The following PRKCE variants were observed in gnomAD, a reference collection of about 807,000 sequenced individuals.
PRKCE encodes the protein protein kinase C epsilon type.
PRKCE carries 16 observed loss-of-function variants against 85.4 expected under a neutral mutation model. That is an observed-to-expected ratio of 0.19 (90% CI 0.13 to 0.28). The LOEUF (loss-of-function observed/expected upper bound fraction) is 0.28, where lower values mean the gene tolerates loss of function less well. PRKCE is among the 10% of genes least tolerant of loss of function. PRKCE has a pLI of 1.00. For synonymous variants in PRKCE, 388 were observed against 371.5 expected (o/e 1.04, Z -0.51); for missense variants, 573 against 975.2 (o/e 0.59, Z 5.49).
At position 45,865,817 on chromosome 2, in the gene PRKCE, T is replaced by TCTTCTTC. The variant is rs60846064; in HGVS notation, c.412+22754_412+22755insCTTCTTC. On this transcript the variant is annotated intron_variant, in intron 2 of 14. Coordinates refer to ENST00000306156, the MANE Select transcript of PRKCE (RefSeq NM_005400.3). ...AAAATAAGTTTCTTCTTCTTCTTCT[T>TCTTCTTC]TTTTTTTTTTTTTTTTTTGAGACGA... Among the ~76,000 whole-genome samples the TCTTCTTC allele has an allele frequency of 4.6e-4, 47 of 101,350 alleles. 1 individual carries two copies. Among genetic ancestry groups the TCTTCTTC allele is most frequent in the South Asian group, 2.5e-3 (7 of 2,820 alleles). The allele number at this position is 101,350 out of a possible 152,430, so 66.5% of individuals were successfully genotyped here. A position where few individuals can be genotyped will look rare whatever the true frequency, so the allele number is the denominator to read the frequency against.
intron 2 of PRKCE, among the ~76,000 whole-genome samples, chr2:45,852,320 T>C (rs1332485176): frequency 6.6e-6 from 1 of 152,276 alleles, no homozygotes; most frequent in Non-Finnish European, 1.5e-5. Flanking sequence ...AGTGTGAATT[T>C]GTTTTAAACT....
chr2:45,714,693 C>T (rs954740306), intron 1 of PRKCE, among the ~76,000 whole-genome samples: 13 of 152,098 alleles, frequency 8.5e-5, no homozygotes, highest in African/African-American at 2.9e-4. Flanking sequence ...GAGTATAGAC[C>T]GTGTGCTGAG....
chr2:45,703,833 A>G (rs923321175), intron 1 of PRKCE, among the ~76,000 whole-genome samples: 1 of 152,260 alleles, frequency 6.6e-6, no homozygotes, highest in Non-Finnish European at 1.5e-5. Flanking sequence ...CTGTTCACTC[A>G]TAACAAAAAA....
At chr2:46,012,582 A>C (rs899294218) in intron 10 of PRKCE, among the ~76,000 whole-genome samples, 1 of 152,104 alleles carries the variant, frequency 6.6e-6, no homozygotes, top group African/African-American at 2.4e-5. Context: ...GTGGCTTTCC[A>C]GGCAGGGAGC....
intron 1 of PRKCE, among the ~76,000 whole-genome samples, chr2:45,664,232 T>A (rs1572884158): frequency 6.6e-6 from 1 of 152,330 alleles, no homozygotes; most frequent in East Asian, 1.9e-4. Context: ...TTGTCCAAGT[T>A]CACAGATCTA....
chr2:46,178,262 A>G (rs1049067430), intron 14 of PRKCE, among the ~76,000 whole-genome samples: 1 of 152,062 alleles, frequency 6.6e-6, no homozygotes, highest in Non-Finnish European at 1.5e-5. Flanking sequence ...CTCTGTCTCA[A>G]AAAAAAATAG....
intron 1 of PRKCE, among the ~76,000 whole-genome samples, chr2:45,810,541 C>T (rs775811108): frequency 1.3e-5 from 2 of 151,954 alleles, no homozygotes; most frequent in South Asian, 2.1e-4. Context: ...GCACAATGAA[C>T]GAATATTCCA....
chr2:46,087,881 C>G (rs895686348), intron 11 of PRKCE, among the ~76,000 whole-genome samples: 1 of 152,204 alleles, frequency 6.6e-6, no homozygotes, highest in African/African-American at 2.4e-5. Flanking sequence ...CTTGCTCCTT[C>G]AAGGCCAGCA....
intron 2 of PRKCE, among the ~76,000 whole-genome samples, chr2:45,937,614 C>G (rs1310126885): frequency 2.0e-5 from 3 of 151,990 alleles, no homozygotes; most frequent in African/African-American, 7.3e-5. Flanking sequence ...ACTCGGGAGG[C>G]TGAGGCAGGA....
intron 1 of PRKCE, among the ~76,000 whole-genome samples, chr2:45,731,775 C>T (rs1029455925): frequency 2.6e-5 from 4 of 151,960 alleles, no homozygotes; most frequent in African/African-American, 7.3e-5. Flanking sequence ...GGGTGTGTGC[C>T]ACCACACCTG....
At chr2:45,691,654 A>T (rs553011878) in intron 1 of PRKCE, among the ~76,000 whole-genome samples, 3 of 152,282 alleles carry the variant, frequency 2.0e-5, no homozygotes, top group African/African-American at 7.2e-5. Context: ...GTGAAGAGAG[A>T]CAGTTTTTAT....
At chr2:45,738,211 A>C (rs183449656) in intron 1 of PRKCE, among the ~76,000 whole-genome samples, 1 of 152,312 alleles carries the variant, frequency 6.6e-6, no homozygotes, top group East Asian at 1.9e-4. Context: ...ACATAGTTTT[A>C]ATGATGTTAT....
Position 46,068,959 on chromosome 2 carries a change from C to T in PRKCE, c.1438-17249C>T, listed in dbSNP as rs972629625. ...GGAGCCTCTTAGAAATGCAGGATTT[C>T]CGGTCCCAACTTAGACCTGCAGAAT... On this transcript the variant is annotated intron_variant, in intron 10 of 14. Transcript: ENST00000306156. This position sits in a 1 kb window ranked among gnomAD's most constrained non-coding sequence, Gnocchi z 4.3. Among the ~76,000 whole-genome samples, 1 of 152,194 alleles carries T rather than the reference C, an allele frequency of 6.6e-6. No individual in the cohort carries two copies. Among genetic ancestry groups the T allele is most frequent in the African/African-American group, 2.4e-5 (1 of 41,436 alleles).
intron 1 of PRKCE, among the ~76,000 whole-genome samples, chr2:45,709,616 C>A (rs1046533250): frequency 6.6e-6 from 1 of 152,222 alleles, no homozygotes; most frequent in South Asian, 2.1e-4. Flanking sequence ...CTTAGTGTGA[C>A]TGCTGCAGCA....
At chr2:46,093,915 A>G (rs2103985412) in intron 11 of PRKCE, among the ~76,000 whole-genome samples, 1 of 152,284 alleles carries the variant, frequency 6.6e-6, no homozygotes, top group South Asian at 2.1e-4. Flanking sequence ...ACCATTTGGA[A>G]TTCAGTTATG....
intron 1 of PRKCE, among the ~76,000 whole-genome samples, chr2:45,804,945 CTT>C (rs5830871): frequency 1.3e-4 from 18 of 133,472 alleles, no homozygotes; most frequent in Non-Finnish European, 1.1e-4. Flanking sequence ...AACTCATCAA[CTT>C]TTTTTTTTTT....
intron 8 of PRKCE, among the ~76,000 whole-genome samples, chr2:46,005,282 T>C (rs545768948): frequency 6.6e-6 from 1 of 152,338 alleles, no homozygotes; most frequent in African/African-American, 2.4e-5. Context: ...ATAATAATTC[T>C]GCAGCCATCC....
At chr2:46,047,539 G>A (rs1708601706) in intron 10 of PRKCE, among the ~76,000 whole-genome samples, 1 of 152,190 alleles carries the variant, frequency 6.6e-6, no homozygotes, top group Non-Finnish European at 1.5e-5. Context: ...CACATCCTGT[G>A]TAACTTGAGG....
intron 10 of PRKCE, among the ~76,000 whole-genome samples, chr2:46,030,954 A>G (rs1038415414): frequency 8.5e-5 from 13 of 152,314 alleles, no homozygotes; most frequent in South Asian, 2.1e-4. Context: ...ACGGTCCTGT[A>G]TACATCATTT....
Sources: allele counts gnomAD v4.1 joint callset (sites outside exome capture counted in the v4.1 genomes callset), GRCh38; gene constraint gnomAD v4.1.1; non-coding constraint Gnocchi (gnomAD v3.1); transcripts MANE v1.5; gene names NCBI Gene and HGNC (gene_info 2026-07-23, HGNC 2026-07-21).